The following PIGU variants were observed in gnomAD, a reference collection of about 807,000 sequenced individuals.
The protein encoded by PIGU is phosphatidylinositol glycan anchor biosynthesis class U.
In PIGU, 24 loss-of-function variants were observed where a neutral mutation model predicts 49.9. The ratio of observed to expected loss-of-function variants is 0.48; its 90% CI spans 0.35 to 0.68. The LOEUF is 0.68. Among genes scored for constraint, PIGU ranks in the 30% least tolerant of loss-of-function variants. PIGU has a pLI of 0.01. For missense variants in PIGU, 490 were observed against 532.6 expected, an observed-to-expected ratio of 0.92 and a Z score of 0.79; for synonymous variants, 220 against 205.7, an observed-to-expected ratio of 1.07 and a Z score of -0.59.
intron 11 of PIGU, among the ~76,000 whole-genome samples, chr20:34,563,086 TA>T (rs1313668342): frequency 6.6e-6 from 1 of 151,930 alleles, no homozygotes; most frequent in Non-Finnish European, 1.5e-5. Context: ...GTTTTGCAGA[TA>T]AAAAAATGGT....
chr20:34,638,529 CT>C (rs1986042664), intron 4 of PIGU, among the ~76,000 whole-genome samples: 1 of 152,206 alleles, frequency 6.6e-6, no homozygotes, highest in Admixed American at 6.5e-5. Context: ...AAATGAATGA[CT>C]TGCTGGCAAA....
At chr20:34,653,086 C>T (rs1172914658) in intron 2 of PIGU, among the ~76,000 whole-genome samples, 1 of 151,944 alleles carries the variant, frequency 6.6e-6, no homozygotes, top group Non-Finnish European at 1.5e-5. Flanking sequence ...CATTCTCCTG[C>T]CTCAGCCTCC....
intron 7 of PIGU, among the ~76,000 whole-genome samples, chr20:34,600,073 A>G (rs566412809): frequency 6.6e-6 from 1 of 152,198 alleles, no homozygotes; most frequent in Non-Finnish European, 1.5e-5. Context: ...CTGATCTAGA[A>G]GAATAAAGTT....
chr20:34,573,073 ACTC>A (rs1247214112), intron 11 of PIGU, among the ~76,000 whole-genome samples: 1 of 151,156 alleles, frequency 6.6e-6, no homozygotes, highest in African/African-American at 2.4e-5. Context: ...CTGTTCTTGA[ACTC>A]CTAGCCTCAA....
chr20:34,622,723 C>T (rs1482073679), intron 6 of PIGU, among the ~76,000 whole-genome samples: 1 of 152,064 alleles, frequency 6.6e-6, no homozygotes, highest in Non-Finnish European at 1.5e-5. Flanking sequence ...AGGAACTGTG[C>T]CAAGAGGACT....
chr20:34,665,186 T>A (rs1987047132), intron 1 of PIGU, among the ~76,000 whole-genome samples: 2 of 120,188 alleles, frequency 1.7e-5, no homozygotes, highest in South Asian at 5.3e-4. Flanking sequence ...CCACCATGTA[T>A]GGCCAATTTT....
intron 7 of PIGU, among the ~76,000 whole-genome samples, chr20:34,603,972 G>T (rs952015830): frequency 5.9e-5 from 9 of 151,996 alleles, no homozygotes; most frequent in African/African-American, 2.2e-4. Flanking sequence ...TCTGAAGAGG[G>T]TACGCTCTGC....
intron 7 of PIGU, among the ~76,000 whole-genome samples, chr20:34,599,791 T>A (rs1984343307): frequency 6.6e-6 from 1 of 152,196 alleles, no homozygotes; most frequent in African/African-American, 2.4e-5. Flanking sequence ...TGTTAATAGA[T>A]CTTAGGTGAG....
chr20:34,590,904 C>T (rs1036641485), intron 7 of PIGU, among the ~76,000 whole-genome samples: 2 of 151,830 alleles, frequency 1.3e-5, no homozygotes, highest in Admixed American at 1.3e-4. Flanking sequence ...GCCTGTAGTC[C>T]CAGCTACTCA....
At chr20:34,657,946 C>G (rs1366052195) in intron 1 of PIGU, among the ~76,000 whole-genome samples, 1 of 134,982 alleles carries the variant, frequency 7.4e-6, no homozygotes. Flanking sequence ...CTCCCTCTCC[C>G]TCACCCTCTC....
chr20:34,561,721 G>C (rs1194451670), intron 11 of PIGU, among the ~76,000 whole-genome samples: 8 of 151,978 alleles, frequency 5.3e-5, no homozygotes, highest in Admixed American at 5.3e-4. Flanking sequence ...ACCTTGCTAG[G>C]GTCCCTGTCC....
intron 1 of PIGU, among the ~76,000 whole-genome samples, chr20:34,670,018 G>A (rs948411779): frequency 2.0e-5 from 3 of 152,128 alleles, no homozygotes; most frequent in African/African-American, 7.2e-5. Context: ...CAGGATAATA[G>A]TTACTTATGA....
At chr20:34,669,956 A>G (rs1263493740) in intron 1 of PIGU, among the ~76,000 whole-genome samples, 1 of 152,170 alleles carries the variant, frequency 6.6e-6, no homozygotes, top group East Asian at 1.9e-4. Context: ...AGGGATGTTC[A>G]TTTGAGTAAT....
chr20:34,622,591 G>C (rs1473208869), intron 6 of PIGU, among the ~76,000 whole-genome samples: 1 of 152,128 alleles, frequency 6.6e-6, no homozygotes, highest in Non-Finnish European at 1.5e-5. Context: ...ATCACGGAGG[G>C]CTAAGCTTGC....
Position 34,560,591 on chromosome 20 carries a change from C to T in PIGU, c.*275G>A, listed in dbSNP as rs1982436589. 4 of 423,760 alleles carry T rather than the reference C, an allele frequency of 9.4e-6. No individual in the cohort carries two copies. The highest frequency in any genetic ancestry group is 1.7e-5 in the Non-Finnish European group (4 of 239,370). 26.2% of individuals were successfully genotyped at this position (423,760 alleles called of 1,614,324 possible). On this transcript the variant is annotated 3_prime_UTR_variant, in exon 12 of 12. Transcript: ENST00000217446. ...ATTAAGTAGCCACAATCTAACAAGC[C>T]CTGCTCACCTGCCTCTTCTCCTTCC... is the stretch of plus-strand genomic sequence containing the variant.
At chr20:34,577,387 C>T (rs1254896031) in intron 10 of PIGU, among the ~76,000 whole-genome samples, 3 of 152,088 alleles carry the variant, frequency 2.0e-5, no homozygotes, top group Admixed American at 1.3e-4. Flanking sequence ...TGCAAGGGGC[C>T]TAGATGATAC....
chr20:34,600,664 C>T (rs983386930), intron 7 of PIGU, among the ~76,000 whole-genome samples: 1 of 151,870 alleles, frequency 6.6e-6, no homozygotes, highest in African/African-American at 2.4e-5. Flanking sequence ...CCCATTCCAC[C>T]CTACTGATAT....
chr20:34,616,227 T>C (rs1315052040), intron 6 of PIGU, 88 bp from the exon 7 acceptor site: 1 of 1,423,220 alleles, frequency 7.0e-7, no homozygotes, highest in East Asian at 2.6e-5. Context: ...AAACTTTCCA[T>C]AACTGCTCAA....
chr20:34,629,957 C>T (rs1441127035), intron 6 of PIGU, among the ~76,000 whole-genome samples: 2 of 152,100 alleles, frequency 1.3e-5, no homozygotes, highest in African/African-American at 4.8e-5. Context: ...GAATAAATCA[C>T]TTGGTGATGT....
Sources: allele counts gnomAD v4.1 joint callset (sites outside exome capture counted in the v4.1 genomes callset), GRCh38; gene constraint gnomAD v4.1.1; transcripts MANE v1.5; gene names NCBI Gene and HGNC (gene_info 2026-07-23, HGNC 2026-07-21).